DYNC1LI2: variants seen among roughly 807,000 people sequenced by gnomAD.
The protein encoded by DYNC1LI2 is dynein cytoplasmic 1 light intermediate chain 2.
DYNC1LI2 carries 19 observed loss-of-function variants against 57.8 expected under a neutral mutation model. The ratio of observed to expected loss-of-function variants is 0.33; its 90% confidence interval spans 0.23 to 0.48. The LOEUF is 0.48. Among genes scored for constraint, DYNC1LI2 ranks in the 20% least tolerant of loss-of-function variants. The probability of loss-of-function intolerance (pLI) is 0.99; values close to 1 mark genes in which losing one functional copy is unlikely to be tolerated. For synonymous variants in DYNC1LI2, 256 were observed against 233.4 expected (o/e 1.10, Z -0.88); for missense variants, 470 against 604.2 (o/e 0.78, Z 2.33).
chr16:66,730,281 T>G (rs1440539450), intron 7 of DYNC1LI2, 58 bp from the exon 8 acceptor site: 4 of 1,447,364 alleles, frequency 2.8e-6, no homozygotes, highest in African/African-American at 1.4e-5. Flanking sequence ...TAGAGCATAC[T>G]CAGATCACAT....
At chr16:66,743,714 C>G (rs1191758506) in intron 3 of DYNC1LI2, among the ~76,000 whole-genome samples, 3 of 152,136 alleles carry the variant, frequency 2.0e-5, no homozygotes, top group Non-Finnish European at 4.4e-5. Flanking sequence ...TGCTGAAGAG[C>G]CTATGTTTAA....
intron 10 of DYNC1LI2, 196 bp downstream of exon 10, chr16:66,728,005 A>G: frequency 1.1e-6 from 1 of 887,380 alleles, no homozygotes; most frequent in Non-Finnish European, 1.7e-6. Flanking sequence ...GCTCACTCTA[A>G]TTCCCAGAGT....
rs765414318 is a variant in DYNC1LI2, at chr16:66,749,220, C to A, written c.275G>T (p.Ser92Ile). The part of the protein sequence containing the change: ...KGRGLEYLYL[S>I]VHDEDRDDHT... ...ACCATCTCGGTCCTCATCATGGACA[C>A]TGAGGTAGAGATATTCTAGGCCTCT... The change falls in exon 3 of 13, where the codon AGT (serine) becomes ATT (isoleucine). Residue 92 changes from serine to isoleucine, a missense_variant. By Grantham distance (142) the Ser-to-Ile change is moderately radical. Transcript: ENST00000258198. The A allele has an allele frequency of 1.9e-6, 3 of 1,614,208 alleles. No individual in the cohort carries two copies. Among genetic ancestry groups the A allele is most frequent in the South Asian group, 2.2e-5 (2 of 91,090 alleles).
intron 3 of DYNC1LI2, among the ~76,000 whole-genome samples, chr16:66,744,294 C>T (rs1477177446): frequency 1.3e-5 from 2 of 152,196 alleles, no homozygotes; most frequent in Non-Finnish European, 1.5e-5. Flanking sequence ...TCAAGCAATG[C>T]TCCTGCCTCG....
rs1274629698 is a variant in DYNC1LI2 at position 66,721,692 on chromosome 16, G to A, written c.*2030C>T. 1.3e-5 allele frequency: 2 copies of A among 152,512 alleles called. No individual in the cohort carries two copies. The highest frequency in any genetic ancestry group is 2.9e-5 in the Non-Finnish European group (2 of 68,028). The allele number at this position is 152,512 out of a possible 1,614,324, so 9.4% of individuals were successfully genotyped here. A position where few individuals can be genotyped will look rare whatever the true frequency, so the allele number is the denominator to read the frequency against. The stretch of plus-strand genomic sequence containing the variant: ...GTCTCCAAGAAACCTTCCTTCACAA[G>A]ACATGTCTTAGCATTTCATCAGTTT... On this transcript the variant is annotated 3_prime_UTR_variant, in exon 13 of 13. Coordinates refer to ENST00000258198, the MANE Select transcript of DYNC1LI2 (RefSeq NM_006141.3).
At chr16:66,732,046 C>T (rs2017645808) in intron 7 of DYNC1LI2, 1 of 344,800 alleles carries the variant, frequency 2.9e-6, no homozygotes, top group Non-Finnish European at 5.3e-6. Flanking sequence ...AGCACAATTC[C>T]CTATATTCCC....
chr16:66,749,810 C>T (rs1430156246), intron 2 of DYNC1LI2, among the ~76,000 whole-genome samples: 2 of 152,224 alleles, frequency 1.3e-5, no homozygotes, highest in African/African-American at 4.8e-5. Flanking sequence ...ATCTCCTTCA[C>T]AAACATTCTG....
intron 4 of DYNC1LI2, among the ~76,000 whole-genome samples, chr16:66,740,252 G>A (rs998765351): frequency 1.3e-5 from 2 of 152,234 alleles, no homozygotes; most frequent in East Asian, 3.9e-4. Flanking sequence ...CGGCCATGGA[G>A]CAGCTTTCCA....
chr16:66,734,926 G>A (rs1436997360), intron 5 of DYNC1LI2, among the ~76,000 whole-genome samples: 2 of 129,600 alleles, frequency 1.5e-5, no homozygotes, highest in Non-Finnish European at 3.2e-5. Flanking sequence ...GAACTGGGAA[G>A]GCAGAGGTTG....
chr16:66,728,156 C>T, intron 10 of DYNC1LI2, 45 bp downstream of exon 10: 1 of 1,612,066 alleles, frequency 6.2e-7, no homozygotes, highest in South Asian at 1.1e-5. Flanking sequence ...TTGATGACAC[C>T]CACAACACTG....
At chr16:66,728,036 T>G (rs532866906) in intron 10 of DYNC1LI2, 165 bp downstream of exon 10, 1 of 1,012,966 alleles carries the variant, frequency 9.9e-7, no homozygotes, top group East Asian at 2.6e-5. Flanking sequence ...CATCAGAAAC[T>G]TCTTGAGTTT....
At chr16:66,749,412 G>A (rs2018000348) in intron 2 of DYNC1LI2, 99 bp from the exon 3 acceptor site, 2 of 1,187,470 alleles carry the variant, frequency 1.7e-6, no homozygotes, top group South Asian at 1.3e-5. Context: ...AGAATTTCAT[G>A]CAAAGTCTGC....
chr16:66,727,542 G>A, intron 11 of DYNC1LI2, 146 bp downstream of exon 11: 1 of 706,062 alleles, frequency 1.4e-6, no homozygotes, highest in Non-Finnish European at 2.3e-6. Flanking sequence ...TGGAATGGGG[G>A]AAATGGAAAG....
At position 66,725,894 on chromosome 16, in the gene DYNC1LI2, T is replaced by C. The variant is rs768051013; in HGVS notation, c.1312A>G (p.Ser438Gly). ...CTTCCAGGAGAGCCTGTCTTTTTAC[T>C]CAACAGACTGTTGAAGAAGCTGGCC... is the stretch of plus-strand genomic sequence containing the variant. The part of the protein sequence containing the change: ...VLASFFNSLL[S>G]KKTGSPGSPG... The change falls in exon 12 of 13, where the codon AGT becomes GGT. Residue 438 changes from serine to glycine, a missense_variant. By Grantham distance (56) the Ser-to-Gly change is moderately conservative. Coordinates refer to ENST00000258198, the MANE Select transcript of DYNC1LI2 (RefSeq NM_006141.3). The C allele has an allele frequency of 2.5e-6, 4 of 1,613,998 alleles. No individual in the cohort carries two copies. In the African/African-American group the frequency reaches 4.0e-5, roughly 16 times the overall value.
chr16:66,733,884 G>A (rs561628296), intron 6 of DYNC1LI2: 7 of 225,238 alleles, frequency 3.1e-5, no homozygotes, highest in South Asian at 6.6e-5. Context: ...AAAATACGCC[G>A]AGCGCAGTAG....
intron 11 of DYNC1LI2, among the ~76,000 whole-genome samples, chr16:66,726,582 C>A (rs1413279187): frequency 6.6e-6 from 1 of 152,218 alleles, no homozygotes; most frequent in Non-Finnish European, 1.5e-5. Flanking sequence ...CTGCTTGAGG[C>A]TAGGAGCTTG....
In DYNC1LI2 at chr16:66,723,562, C is replaced by T. The variant is rs2017484843; in HGVS notation, c.*160G>A. ...ATGTAACCTTCCTAAATGTGCATTT[C>T]ACACTCGGACAAGCCAATGAAGTTT... On this transcript the variant is annotated 3_prime_UTR_variant, in exon 13 of 13. Transcript: ENST00000258198. 4.5e-6 allele frequency: 3 copies of T among 669,964 alleles called. No homozygotes were observed. In the African/African-American group the frequency reaches 5.5e-5, roughly 12 times the overall value. 41.5% of individuals were successfully genotyped at this position (669,964 alleles called of 1,614,324 possible).
rs1274821608 is a variant in DYNC1LI2 at position 66,734,270 on chromosome 16, C to A, written c.741G>T (p.Arg247Ser). ...ACTGGATAAAGTCCAAATGCTCATC[C>A]CTGTAATCGTGCTCCTTCTCCAGGA... ...VSVLEKEHDYRDEHLDFIQSH... is the reference protein window; with the variant it reads ...VSVLEKEHDYSDEHLDFIQSH... The change falls in exon 6 of 13, where the codon AGG (arginine) becomes AGT (serine). Residue 247 changes from arginine (R) to serine (S), a missense_variant. Coordinates refer to ENST00000258198, the MANE Select transcript of DYNC1LI2 (RefSeq NM_006141.3). 1 of 1,614,126 alleles carries A rather than the reference C, an allele frequency of 6.2e-7. No homozygotes were observed. The highest frequency in any genetic ancestry group is 8.5e-7 in the Non-Finnish European group (1 of 1,180,002).
At chr16:66,729,740 C>G (rs2017602042) in intron 8 of DYNC1LI2, among the ~76,000 whole-genome samples, 1 of 151,694 alleles carries the variant, frequency 6.6e-6, no homozygotes, top group African/African-American at 2.4e-5. Flanking sequence ...CACGCCCCAT[C>G]TTTATAGGCT....
Sources: allele counts gnomAD v4.1 joint callset (sites outside exome capture counted in the v4.1 genomes callset), GRCh38; gene constraint gnomAD v4.1.1; transcripts MANE v1.5; gene names NCBI Gene and HGNC (gene_info 2026-07-23, HGNC 2026-07-21).